WNK1: variants seen among roughly 807,000 people sequenced by gnomAD.
WNK1 encodes the protein serine/threonine-protein kinase WNK1.
WNK1 carries 38 observed loss-of-function variants against 222.8 expected under a neutral mutation model. That is an observed-to-expected ratio of 0.17 (90% CI 0.13 to 0.22). The LOEUF (loss-of-function observed/expected upper bound fraction) is 0.22, where lower values mean the gene tolerates loss of function less well. WNK1 is among the 10% of genes least tolerant of loss of function. WNK1 has a pLI of 1.00. For missense variants in WNK1, 2,348 were observed against 2,918.4 expected, an observed-to-expected ratio of 0.80 and a Z score of 4.50; for synonymous variants, 1,090 against 1,092.9, an observed-to-expected ratio of 1.00 and a Z score of 0.05.
rs570352525 is a variant in WNK1 at position 862,255 on chromosome 12, T to C, written c.2124T>C (p.Tyr708=). 6.2e-7 allele frequency: 1 copy of C among 1,614,074 alleles called. No homozygotes were observed. Among genetic ancestry groups the C allele is most frequent in the East Asian group, 2.2e-5 (1 of 44,876 alleles). ...VQAQSQPHGV[Y]PPSSVAQGQS... is the part of the protein sequence containing the mutation. ...CACAGTCTCAGCCCCATGGGGTATA[T>C]CCACCCTCAAGTGTGGTAAGTAAAT... is the stretch of plus-strand genomic sequence containing the variant. Residue 708 remains tyrosine, a synonymous_variant, in exon 8 of 28, where the codon TAT becomes TAC. Coordinates refer to ENST00000315939, the MANE Select transcript of WNK1 (RefSeq NM_018979.4).
intron 1 of WNK1, among the ~76,000 whole-genome samples, chr12:784,785 G>T (rs1451501635): frequency 6.6e-6 from 1 of 152,144 alleles, no homozygotes; most frequent in African/African-American, 2.4e-5. Context: ...TTAGGTTGGG[G>T]ATCTTCATTC....
Position 908,858 on chromosome 12 carries a change from T to TGGGGGGG in WNK1, c.*69_*70insGGGGGGG. 6.9e-6 allele frequency: 2 copies of TGGGGGGG among 290,202 alleles called. No homozygotes were observed. Among genetic ancestry groups the TGGGGGGG allele is most frequent in the Admixed American group, 8.4e-5 (2 of 23,778 alleles). 18.0% of individuals were successfully genotyped at this position (290,202 alleles called of 1,614,324 possible). ...GGAATGCTGAGGGGGTGGGTGGGGGTGGGAAGTAGCCTATATACTAACTAC... is the reference window on the plus strand; with the variant it reads ...GGAATGCTGAGGGGGTGGGTGGGGGTGGGGGGGGGGAAGTAGCCTATATACTAACTAC... On this transcript the variant is annotated 3_prime_UTR_variant, in exon 28 of 28. Transcript: ENST00000315939.
intron 1 of WNK1, chr12:781,009 A>G (rs1265543605): frequency 1.3e-5 from 2 of 152,492 alleles, no homozygotes; most frequent in Non-Finnish European, 1.5e-5. Flanking sequence ...ATACATTTAC[A>G]TTGTGACTTA....
Position 861,131 on chromosome 12 carries a change from A to G in WNK1, c.1739A>G (p.Glu580Gly). ...CGGCAGTTGGTACGGGAGGAGCAAG[A>G]AAAAAAAAAGCAGGAAGAGAGCAGT... ...EQRQLVREEQ[E>G]KKKQEESSLK... The change falls in exon 7 of 28, where the codon GAA (glutamate) becomes GGA (glycine). Residue 580 changes from glutamate to glycine, a missense_variant. Glu to Gly is a moderately conservative substitution (Grantham distance 98, BLOSUM62 -2). Transcript: ENST00000315939. 2 of 1,519,934 alleles carry G rather than the reference A, an allele frequency of 1.3e-6. No individual in the cohort carries two copies. Among genetic ancestry groups the G allele is most frequent in the Non-Finnish European group, 1.8e-6 (2 of 1,110,248 alleles). 94.2% of individuals were successfully genotyped at this position (1,519,934 alleles called of 1,614,324 possible).
chr12:890,605 C>A, intron 22 of WNK1, 92 bp downstream of exon 22: 4 of 1,323,836 alleles, frequency 3.0e-6, no homozygotes, highest in Non-Finnish European at 3.2e-6. Context: ...CACATTTCCA[C>A]GTATTTGATA....
chr12:757,963 A>G (rs1260393353), intron 1 of WNK1, among the ~76,000 whole-genome samples: 2 of 142,704 alleles, frequency 1.4e-5, no homozygotes, highest in Non-Finnish European at 3.1e-5. Flanking sequence ...TGAACCCGGG[A>G]GGCAGAGGTT....
intron 26 of WNK1, chr12:906,464 A>G (rs1019243589): frequency 1.2e-5 from 12 of 985,066 alleles, no homozygotes; most frequent in Middle Eastern, 5.2e-4. Context: ...TCGCTTCTAC[A>G]TGGGAGTGCT....
intron 9 of WNK1, among the ~76,000 whole-genome samples, chr12:877,133 G>A (rs1053105350): frequency 7.3e-6 from 1 of 136,566 alleles, no homozygotes; most frequent in Non-Finnish European, 1.5e-5. Context: ...GTGCAATCTC[G>A]GCTCACTGCA....
At chr12:895,961 T>C in intron 23 of WNK1, 110 bp from the exon 24 acceptor site, 1 of 1,428,472 alleles carries the variant, frequency 7.0e-7, no homozygotes, top group Non-Finnish European at 9.7e-7. Flanking sequence ...ACAATCAGCC[T>C]ACTCTTTGAC....
chr12:866,694 T>G (rs937217979), intron 8 of WNK1, among the ~76,000 whole-genome samples: 58 of 151,262 alleles, frequency 3.8e-4, no homozygotes, highest in African/African-American at 1.4e-3. Context: ...TTGTTTGCAT[T>G]TGGCAAGCTG....
chr12:764,464 C>T (rs1176114461), intron 1 of WNK1, among the ~76,000 whole-genome samples: 1 of 144,378 alleles, frequency 6.9e-6, no homozygotes, highest in African/African-American at 2.5e-5. Flanking sequence ...GGAGAAACCC[C>T]GTCTCTACTA....
intron 4 of WNK1, among the ~76,000 whole-genome samples, chr12:839,915 A>G (rs1161494847): frequency 1.5e-5 from 2 of 137,466 alleles, no homozygotes; most frequent in South Asian, 2.3e-4. Flanking sequence ...TTAAGTAGAG[A>G]TGGAGTTTCA....
At chr12:848,095 G>T (rs931034593) in intron 4 of WNK1, among the ~76,000 whole-genome samples, 15 of 152,066 alleles carry the variant, frequency 9.9e-5, no homozygotes, top group Admixed American at 2.0e-4. Flanking sequence ...GTGAGCCACC[G>T]CGCCTGGCTG....
intron 2 of WNK1, among the ~76,000 whole-genome samples, chr12:821,565 A>G (rs1459757850): frequency 6.6e-6 from 1 of 152,174 alleles, no homozygotes; most frequent in Non-Finnish European, 1.5e-5. Context: ...GGTGGTTTAT[A>G]ATATTGTTCA....
chr12:837,387 G>C (rs947455603), intron 4 of WNK1, among the ~76,000 whole-genome samples: 2 of 151,786 alleles, frequency 1.3e-5, no homozygotes, highest in African/African-American at 4.8e-5. Flanking sequence ...CAGCCTGGCC[G>C]ACATGGTGAA....
chr12:880,978 C>T lies in WNK1; in HGVS notation c.3090C>T (p.Ser1030=). The T allele has an allele frequency of 1.2e-6, 2 of 1,614,146 alleles. No individual in the cohort carries two copies. The highest frequency in any genetic ancestry group is 1.7e-6 in the Non-Finnish European group (2 of 1,180,012). Residue 1030 remains serine (S), a synonymous_variant, in exon 12 of 28, where the codon TCC becomes TCT. Transcript: ENST00000315939. ...GTTTAGCACAAGCCCCCACTACATC[C>T]TCCCAGCAAGCAGTTTTGGAGGTAA... ...GGSLAQAPTT[S]SQQAVLESTQ...
At chr12:907,572 G>A (rs1955814675) in intron 26 of WNK1, 1 of 505,256 alleles carries the variant, frequency 2.0e-6, no homozygotes, top group South Asian at 2.1e-5. Flanking sequence ...TAGGTGCTTT[G>A]TGAATGGACT....
chr12:896,469 A>G lies in WNK1; in HGVS notation c.5982A>G (p.Pro1994=), dbSNP rs373624064. ...LEQAVLPAVI[P]KKEKPELSEP... is the part of the protein sequence containing the mutation. ...AAGCTGTTCTTCCTGCTGTGATACCAAAGAAAGAGAAGCCTGAACTGTCAG... is the reference window on the plus strand; with the variant it reads ...AAGCTGTTCTTCCTGCTGTGATACCGAAGAAAGAGAAGCCTGAACTGTCAG... Residue 1994 remains proline, a synonymous_variant, in exon 24 of 28, where the codon CCA becomes CCG. Transcript: ENST00000315939. 1 of 1,613,962 alleles carries G rather than the reference A, an allele frequency of 6.2e-7. No homozygotes were observed. The highest frequency in any genetic ancestry group is 8.5e-7 in the Non-Finnish European group (1 of 1,179,992).
intron 1 of WNK1, among the ~76,000 whole-genome samples, chr12:785,387 A>C: frequency 1.4e-5 from 2 of 142,638 alleles, no homozygotes; most frequent in South Asian, 2.3e-4. Context: ...TCTAACGTCC[A>C]TATCATTTTC....
Sources: gnomAD v4.1 joint callset for allele counts (sites outside exome capture counted in the v4.1 genomes callset) on GRCh38, gnomAD v4.1.1 for gene constraint, MANE v1.5 for transcripts, NCBI Gene and HGNC (gene_info 2026-07-23, HGNC 2026-07-21) for gene names.